Variants in LRRTM4 observed in about 807,000 individuals in gnomAD.
The protein encoded by LRRTM4 is leucine-rich repeat transmembrane neuronal protein 4.
A neutral mutation model predicts 47.6 loss-of-function variants in LRRTM4; 25 were observed. That is an observed-to-expected ratio of 0.53 (90% CI 0.38 to 0.73). The LOEUF (loss-of-function observed/expected upper bound fraction) is 0.73. Among genes scored for constraint, LRRTM4 ranks in the 30% least tolerant of loss-of-function variants. The pLI, the probability that LRRTM4 is intolerant of heterozygous loss-of-function variation, is 0.00. For missense variants in LRRTM4, 638 were observed against 713.4 expected (o/e 0.89, Z 1.20); for synonymous variants, 311 against 269.5 (o/e 1.15, Z -1.51).
intron 3 of LRRTM4, among the ~76,000 whole-genome samples, chr2:76,900,414 C>T (rs1573281167): frequency 6.9e-6 from 1 of 145,132 alleles, no homozygotes; most frequent in Non-Finnish European, 1.5e-5. Context: ...TATCTCTATT[C>T]TTGTTTATTT....
chr2:77,448,374 A>C (rs896668719), intron 3 of LRRTM4, among the ~76,000 whole-genome samples: 1 of 152,230 alleles, frequency 6.6e-6, no homozygotes, highest in Non-Finnish European at 1.5e-5. Context: ...TGATATACAT[A>C]GTACCTTCCT....
In LRRTM4 at chr2:77,141,063, G is replaced by A. The variant is rs559939096; in HGVS notation, c.1551+377255C>T. ...TTCAACCATTGTGGAAGACAGTGTGGCAATTCCTCAAGGATCTAGAACTAG... is the reference window on the plus strand; with the variant it reads ...TTCAACCATTGTGGAAGACAGTGTGACAATTCCTCAAGGATCTAGAACTAG... On this transcript the variant is annotated intron_variant, in intron 3 of 3. Coordinates refer to ENST00000409884, the MANE Select transcript of LRRTM4 (RefSeq NM_001134745.3). Among the ~76,000 whole-genome samples, 33 of 152,206 alleles carry A rather than the reference G, an allele frequency of 2.2e-4. No individual in the cohort carries two copies. The East Asian group carries it at 6.0e-3, about 28-fold the overall frequency.
chr2:76,803,043 T>A (rs980853558), intron 3 of LRRTM4, among the ~76,000 whole-genome samples: 1 of 152,102 alleles, frequency 6.6e-6, no homozygotes, highest in Non-Finnish European at 1.5e-5. Flanking sequence ...GTCTGGGTAA[T>A]GATTTATTTT....
chr2:76,827,031 A>G (rs1671209139), intron 3 of LRRTM4, among the ~76,000 whole-genome samples: 1 of 151,834 alleles, frequency 6.6e-6, no homozygotes, highest in South Asian at 2.1e-4. Context: ...GAATGTGCTG[A>G]TGTAATGGAC....
intron 3 of LRRTM4, among the ~76,000 whole-genome samples, chr2:77,264,047 A>G (rs1235691809): frequency 3.3e-5 from 5 of 151,982 alleles, no homozygotes; most frequent in African/African-American, 9.7e-5. Context: ...ATACTTGTGT[A>G]CCTCTCACAG....
chr2:77,404,481 G>T (rs945357197), intron 3 of LRRTM4, among the ~76,000 whole-genome samples: 2 of 151,916 alleles, frequency 1.3e-5, no homozygotes, highest in Non-Finnish European at 2.9e-5. Flanking sequence ...TTCAGAAAAT[G>T]ACACACTTAA....
At chr2:77,259,638 T>C (rs6715656) in intron 3 of LRRTM4, among the ~76,000 whole-genome samples, 18,675 of 151,940 alleles carry the variant, frequency 0.12, 3,857 homozygotes, top group African/African-American at 0.42. Flanking sequence ...AGGGTTAAAA[T>C]GTAGGCACAC....
intron 3 of LRRTM4, among the ~76,000 whole-genome samples, chr2:76,875,701 C>A (rs185956470): frequency 1.3e-5 from 2 of 152,170 alleles, no homozygotes; most frequent in African/African-American, 4.8e-5. Flanking sequence ...TAATTACCCA[C>A]TGCCATTGAG....
intron 3 of LRRTM4, among the ~76,000 whole-genome samples, chr2:76,922,164 A>AT (rs1674452022): frequency 6.6e-6 from 1 of 152,124 alleles, no homozygotes; most frequent in African/African-American, 2.4e-5. Context: ...ATAATGTATG[A>AT]TCTCACTTAT....
chr2:77,300,201 A>G (rs1308244247), intron 3 of LRRTM4, among the ~76,000 whole-genome samples: 3 of 152,190 alleles, frequency 2.0e-5, no homozygotes, highest in Admixed American at 1.3e-4. Context: ...GAGAGTACCT[A>G]AAAGCAATGA....
chr2:76,865,391 A>G (rs748732588), intron 3 of LRRTM4, among the ~76,000 whole-genome samples: 12 of 152,220 alleles, frequency 7.9e-5, no homozygotes, highest in Non-Finnish European at 1.3e-4. Flanking sequence ...CATTGGATTT[A>G]CATGGCCCAC....
Position 76,821,851 on chromosome 2 carries a change from A to T in LRRTM4, c.1552-72935T>A, listed in dbSNP as rs930751579. ...TCTTGCCAAAATGGAAGGCAAAGAG[A>T]AACTCACCAGTGAGACACCTCTCTC... On this transcript the variant is annotated intron_variant, in intron 3 of 3. Transcript: ENST00000409884. Among the ~76,000 whole-genome samples the T allele has an allele frequency of 4.6e-5, 7 of 151,760 alleles. 1 individual carries two copies. Among genetic ancestry groups the T allele is most frequent in the African/African-American group, 1.7e-4 (7 of 41,488 alleles).
intron 3 of LRRTM4, among the ~76,000 whole-genome samples, chr2:77,087,850 G>A (rs932979698): frequency 1.3e-5 from 2 of 152,140 alleles, no homozygotes; most frequent in African/African-American, 2.4e-5. Flanking sequence ...AATAACTAAA[G>A]AGATAATAAA....
At chr2:77,131,995 C>T (rs1301542942) in intron 3 of LRRTM4, among the ~76,000 whole-genome samples, 1 of 152,162 alleles carries the variant, frequency 6.6e-6, no homozygotes, top group African/African-American at 2.4e-5. Context: ...TTTATCATTT[C>T]TGTGTGTTGG....
intron 3 of LRRTM4, among the ~76,000 whole-genome samples, chr2:76,937,762 T>G (rs957521918): frequency 1.3e-5 from 2 of 152,098 alleles, no homozygotes; most frequent in African/African-American, 4.8e-5. Flanking sequence ...CAGACGGGGT[T>G]TCACCATGTT....
chr2:76,977,708 C>T (rs1055122174), intron 3 of LRRTM4, among the ~76,000 whole-genome samples: 1 of 151,936 alleles, frequency 6.6e-6, no homozygotes, highest in Non-Finnish European at 1.5e-5. Context: ...GAAAATGTGA[C>T]ATTTCATTCT....
chr2:77,110,068 T>C (rs1671207869), intron 3 of LRRTM4, among the ~76,000 whole-genome samples: 2 of 152,116 alleles, frequency 1.3e-5, no homozygotes, highest in South Asian at 2.1e-4. Flanking sequence ...TGGCTTCACA[T>C]TTCTCAAAAT....
Position 77,361,518 on chromosome 2 carries a change from G to A in LRRTM4, c.1551+156800C>T, listed in dbSNP as rs149995852. Among the ~76,000 whole-genome samples the A allele has an allele frequency of 2.6e-3, 394 of 152,186 alleles. 2 individuals are homozygous for A. The highest frequency in any genetic ancestry group is 8.2e-3 in the African/African-American group (341 of 41,516). On this transcript the variant is annotated intron_variant, in intron 3 of 3. Coordinates refer to ENST00000409884, the MANE Select transcript of LRRTM4 (RefSeq NM_001134745.3). ...CTCAAATCTCATCCTTAAAAAAACT[G>A]TTCCCTCACATCTACGTTCTCTGCT...
chr2:76,913,856 T>G (rs1674154406), intron 3 of LRRTM4, among the ~76,000 whole-genome samples: 1 of 152,050 alleles, frequency 6.6e-6, no homozygotes, highest in Non-Finnish European at 1.5e-5. Context: ...CAATTATTCT[T>G]TATATTTATT....
Sources: allele counts gnomAD v4.1 joint callset (sites outside exome capture counted in the v4.1 genomes callset), GRCh38; gene constraint gnomAD v4.1.1; transcripts MANE v1.5; gene names NCBI Gene and HGNC (gene_info 2026-07-23, HGNC 2026-07-21).